The following ZNF385D variants were observed in gnomAD, a reference collection of about 807,000 sequenced individuals.
ZNF385D encodes zinc finger protein 385D.
A neutral mutation model predicts 35.8 loss-of-function variants in ZNF385D; 15 were observed. The ratio of observed to expected loss-of-function variants is 0.42; its 90% confidence interval spans 0.28 to 0.64. The LOEUF is 0.64. Among genes scored for constraint, ZNF385D ranks in the 30% least tolerant of loss-of-function variants. The pLI is 0.23. For synonymous variants in ZNF385D, 212 were observed against 186.8 expected, an observed-to-expected ratio of 1.13 and a Z score of -1.10; for missense variants, 474 against 494.6, an observed-to-expected ratio of 0.96 and a Z score of 0.39.
chr3:21,662,362 A>G (rs1327718961), intron 2 of ZNF385D, among the ~76,000 whole-genome samples: 2 of 152,184 alleles, frequency 1.3e-5, no homozygotes, highest in African/African-American at 4.8e-5. Flanking sequence ...CCTGTTAGAT[A>G]ATTGTTGGAG....
intron 2 of ZNF385D, among the ~76,000 whole-genome samples, chr3:21,635,787 C>T (rs2065413705): frequency 6.6e-6 from 1 of 152,114 alleles, no homozygotes; most frequent in Admixed American, 6.6e-5. Flanking sequence ...TTAGCTCCCA[C>T]TTATGAGTGA....
intron 3 of ZNF385D, among the ~76,000 whole-genome samples, chr3:21,770,263 CT>C (rs1479951009): frequency 6.6e-6 from 1 of 152,096 alleles, no homozygotes; most frequent in African/African-American, 2.4e-5. Flanking sequence ...TAAAGAGCTT[CT>C]GCACAGCAAA....
intron 3 of ZNF385D, among the ~76,000 whole-genome samples, chr3:21,958,474 A>T (rs1702404967): frequency 6.6e-6 from 1 of 152,124 alleles, no homozygotes; most frequent in Non-Finnish European, 1.5e-5. Flanking sequence ...ATGTAATGCC[A>T]CCTTGCTGGG....
At chr3:21,737,778 A>G (rs1203141563) in intron 1 of ZNF385D, among the ~76,000 whole-genome samples, 2 of 152,222 alleles carry the variant, frequency 1.3e-5, no homozygotes, top group African/African-American at 4.8e-5. Context: ...GATAGGAAGG[A>G]TCACTGCACA....
intron 3 of ZNF385D, among the ~76,000 whole-genome samples, chr3:21,547,808 G>A (rs1382177270): frequency 6.6e-6 from 1 of 151,880 alleles, no homozygotes; most frequent in Admixed American, 6.6e-5. Context: ...GTAGAAACGG[G>A]GCTTCTCCAT....
chr3:21,748,269 T>C (rs1166532674), intron 1 of ZNF385D, among the ~76,000 whole-genome samples: 1 of 152,126 alleles, frequency 6.6e-6, no homozygotes, highest in Non-Finnish European at 1.5e-5. Flanking sequence ...TCTGAAAATA[T>C]TACATCTTCC....
chr3:22,302,838 TATTTTA>T (rs1199006939), intron 2 of ZNF385D, among the ~76,000 whole-genome samples: 1 of 152,158 alleles, frequency 6.6e-6, no homozygotes, highest in Admixed American at 6.6e-5. Context: ...TTTGTATTTT[TATTTTA>T]AATCAAATAT....
At chr3:21,547,466 CT>C (rs2125585356) in intron 3 of ZNF385D, among the ~76,000 whole-genome samples, 1 of 151,246 alleles carries the variant, frequency 6.6e-6, no homozygotes, top group South Asian at 2.1e-4. Context: ...ACCAGAGCGT[CT>C]GACGATAGCC....
chr3:22,296,797 G>A (rs1021728932), intron 2 of ZNF385D, among the ~76,000 whole-genome samples: 2 of 152,150 alleles, frequency 1.3e-5, no homozygotes, highest in Admixed American at 6.5e-5. Context: ...TCTTGAGCAT[G>A]GTGGTTGGCT....
intron 1 of ZNF385D, among the ~76,000 whole-genome samples, chr3:21,711,936 A>C (rs1231267665): frequency 6.6e-6 from 1 of 152,240 alleles, no homozygotes; most frequent in Non-Finnish European, 1.5e-5. Context: ...TAAAAAACAC[A>C]CAATTATGTA....
chr3:21,909,308 A>G (rs1401826062), intron 3 of ZNF385D, among the ~76,000 whole-genome samples: 1 of 151,966 alleles, frequency 6.6e-6, no homozygotes, highest in Non-Finnish European at 1.5e-5. Context: ...TCTCTTTTTT[A>G]TGCAGCAAAA....
intron 3 of ZNF385D, among the ~76,000 whole-genome samples, chr3:21,799,981 G>T (rs182990883): frequency 6.6e-6 from 1 of 152,110 alleles, no homozygotes; most frequent in Non-Finnish European, 1.5e-5. Context: ...ATACCCAGTT[G>T]TCTCAGAAAT....
At chr3:22,153,265 C>A (rs944256463) in intron 3 of ZNF385D, among the ~76,000 whole-genome samples, 3 of 151,982 alleles carry the variant, frequency 2.0e-5, no homozygotes, top group African/African-American at 4.8e-5. Flanking sequence ...TCTATAGTTC[C>A]CCTGAGGTCC....
chr3:21,743,919 G>C (rs2069638533), intron 1 of ZNF385D, among the ~76,000 whole-genome samples: 1 of 152,170 alleles, frequency 6.6e-6, no homozygotes, highest in African/African-American at 2.4e-5. Flanking sequence ...ACAAAGTCAA[G>C]TCAAAACACA....
At chr3:22,304,150 T>A (rs530765649) in intron 2 of ZNF385D, among the ~76,000 whole-genome samples, 15 of 152,220 alleles carry the variant, frequency 9.9e-5, no homozygotes, top group Non-Finnish European at 2.2e-4. Context: ...ATTGCATAGA[T>A]CTTCAAGTGT....
chr3:21,801,540 G>A (rs1349478965), intron 3 of ZNF385D, among the ~76,000 whole-genome samples: 1 of 152,088 alleles, frequency 6.6e-6, no homozygotes, highest in Non-Finnish European at 1.5e-5. Flanking sequence ...TCCAGTTTAT[G>A]TAACCAGAAC....
intron 2 of ZNF385D, among the ~76,000 whole-genome samples, chr3:21,651,330 T>C (rs145642090): frequency 3.3e-4 from 47 of 142,516 alleles, no homozygotes; most frequent in African/African-American, 1.1e-3. Context: ...AGAAAAAGTC[T>C]AAGGCTAAGA....
chr3:21,861,708 A>G (rs1697063209), intron 3 of ZNF385D, among the ~76,000 whole-genome samples: 1 of 152,118 alleles, frequency 6.6e-6, no homozygotes, highest in African/African-American at 2.4e-5. Context: ...TCTCCCCAGG[A>G]GCAATTCTTT....
chr3:21,428,784 C>A (rs948757626), intron 5 of ZNF385D, among the ~76,000 whole-genome samples: 1 of 152,064 alleles, frequency 6.6e-6, no homozygotes, highest in Non-Finnish European at 1.5e-5. Flanking sequence ...AGAGACTCTG[C>A]AAGGAGCTAA....
Sources: allele counts gnomAD v4.1 joint callset (sites outside exome capture counted in the v4.1 genomes callset), GRCh38; gene constraint gnomAD v4.1.1; transcripts MANE v1.5; gene names NCBI Gene and HGNC (gene_info 2026-07-23, HGNC 2026-07-21).